The following PLPPR1 variants were observed in gnomAD, a reference collection of about 807,000 sequenced individuals.
PLPPR1 encodes phospholipid phosphatase-related protein type 1.
In PLPPR1, 10 loss-of-function variants were observed where a neutral mutation model predicts 33.1. The ratio of observed to expected loss-of-function variants is 0.30; its 90% CI spans 0.19 to 0.51. PLPPR1 has a LOEUF of 0.51. PLPPR1 is among the 20% of genes least tolerant of loss of function. The pLI is 0.97. For missense variants in PLPPR1, 304 were observed against 408.1 expected (o/e 0.74, Z 2.20); for synonymous variants, 151 against 151.0 (o/e 1.00, Z 0.00).
At chr9:101,107,656 T>G (rs976851163) in intron 1 of PLPPR1, among the ~76,000 whole-genome samples, 5 of 86,806 alleles carry the variant, frequency 5.8e-5, no homozygotes, top group Admixed American at 3.6e-4. Context: ...GCAGGCCTCC[T>G]TGAGCTGTGG....
At chr9:101,209,208 T>C (rs1029427120) in intron 2 of PLPPR1, among the ~76,000 whole-genome samples, 1 of 152,156 alleles carries the variant, frequency 6.6e-6, no homozygotes, top group African/African-American at 2.4e-5. Context: ...AGCATAAATA[T>C]TTGAGAATGT....
intron 1 of PLPPR1, among the ~76,000 whole-genome samples, chr9:101,056,458 C>G (rs1169593346): frequency 6.6e-6 from 1 of 152,128 alleles, no homozygotes; most frequent in East Asian, 1.9e-4. Flanking sequence ...TTGGGCCACA[C>G]TAACAGTGCC....
intron 4 of PLPPR1, among the ~76,000 whole-genome samples, chr9:101,290,143 T>C (rs1828468584): frequency 6.6e-6 from 1 of 152,218 alleles, no homozygotes; most frequent in Non-Finnish European, 1.5e-5. Flanking sequence ...TAAATGGAAA[T>C]GTTTTCTTTG....
intron 7 of PLPPR1, among the ~76,000 whole-genome samples, chr9:101,318,750 G>A (rs1019528225): frequency 6.6e-6 from 1 of 151,118 alleles, no homozygotes; most frequent in Non-Finnish European, 1.5e-5. Flanking sequence ...CTCTAGGCTG[G>A]GTGACAGAGT....
chr9:101,096,663 C>G (rs1216775104), intron 1 of PLPPR1, among the ~76,000 whole-genome samples: 2 of 128,500 alleles, frequency 1.6e-5, no homozygotes, highest in African/African-American at 5.4e-5. Flanking sequence ...TGTGTGCTGT[C>G]TAATGAGGAT....
intron 4 of PLPPR1, among the ~76,000 whole-genome samples, chr9:101,289,048 C>A (rs765219389): frequency 6.6e-6 from 1 of 152,222 alleles, no homozygotes; most frequent in African/African-American, 2.4e-5. Context: ...CAGCCTCATC[C>A]CGAGCCACTC....
intron 1 of PLPPR1, among the ~76,000 whole-genome samples, chr9:101,077,024 G>A (rs1051782996): frequency 3.3e-5 from 5 of 152,146 alleles, no homozygotes; most frequent in African/African-American, 4.8e-5. Context: ...ATTACTGGAG[G>A]TGTTACCTCT....
chr9:101,296,971 AC>A (rs1170293078), intron 4 of PLPPR1, among the ~76,000 whole-genome samples: 1 of 152,160 alleles, frequency 6.6e-6, no homozygotes, highest in Non-Finnish European at 1.5e-5. Flanking sequence ...ATTTAAAAAA[AC>A]ACTATGAATC....
chr9:101,302,997 TG>T (rs1412700224), intron 4 of PLPPR1, among the ~76,000 whole-genome samples: 1 of 152,244 alleles, frequency 6.6e-6, no homozygotes, highest in Non-Finnish European at 1.5e-5. Context: ...ATTTTGTTTT[TG>T]TTTTTTGAGA....
At chr9:101,230,373 G>A (rs897429164) in intron 2 of PLPPR1, among the ~76,000 whole-genome samples, 4 of 152,062 alleles carry the variant, frequency 2.6e-5, no homozygotes, top group African/African-American at 7.2e-5. Flanking sequence ...AAAGACACCC[G>A]TAAGGGCATA....
chr9:101,319,867 T>C (rs1351877205), intron 7 of PLPPR1, among the ~76,000 whole-genome samples: 9 of 152,148 alleles, frequency 5.9e-5, no homozygotes, highest in Admixed American at 5.9e-4. Flanking sequence ...AGTCTCTGTG[T>C]CCTTGTAAAT....
intron 1 of PLPPR1, among the ~76,000 whole-genome samples, chr9:101,083,700 T>G (rs573260624): frequency 6.6e-6 from 1 of 151,648 alleles, no homozygotes; most frequent in Non-Finnish European, 1.5e-5. Flanking sequence ...GTAGATTCCT[T>G]TATCTATTTT....
chr9:101,254,024 G>A (rs1459169392), intron 2 of PLPPR1, among the ~76,000 whole-genome samples: 1 of 151,984 alleles, frequency 6.6e-6, no homozygotes, highest in Non-Finnish European at 1.5e-5. Flanking sequence ...TAATGATTAA[G>A]AGTAGAAAAT....
intron 1 of PLPPR1, among the ~76,000 whole-genome samples, chr9:101,043,292 T>A (rs1001694127): frequency 6.6e-6 from 1 of 151,936 alleles, no homozygotes. Flanking sequence ...TGTGTGTGTG[T>A]ATATATGTAT....
chr9:101,264,122 G>A (rs571673045), intron 2 of PLPPR1, among the ~76,000 whole-genome samples: 1 of 152,164 alleles, frequency 6.6e-6, no homozygotes, highest in Admixed American at 6.5e-5. Context: ...CAGCCCTTGT[G>A]TGCAACTATT....
intron 2 of PLPPR1, among the ~76,000 whole-genome samples, chr9:101,210,994 C>G (rs1453728475): frequency 6.6e-6 from 1 of 152,166 alleles, no homozygotes; most frequent in Non-Finnish European, 1.5e-5. Context: ...GTCTCGATCT[C>G]CTGACCTCAC....
At chr9:101,317,285 G>A in intron 6 of PLPPR1, 80 bp from the exon 7 acceptor site, 2 of 1,466,546 alleles carry the variant, frequency 1.4e-6, no homozygotes, top group Non-Finnish European at 1.9e-6. Flanking sequence ...TATTCAAGGG[G>A]AAAGGCCTGC....
intron 2 of PLPPR1, among the ~76,000 whole-genome samples, chr9:101,229,274 A>G (rs898901857): frequency 2.6e-5 from 4 of 152,146 alleles, no homozygotes; most frequent in Non-Finnish European, 5.9e-5. Context: ...ATCATTTTGC[A>G]TCTTATTAAA....
At chr9:101,124,888 G>T (rs1242625288) in intron 1 of PLPPR1, among the ~76,000 whole-genome samples, 1 of 152,208 alleles carries the variant, frequency 6.6e-6, no homozygotes, top group Admixed American at 6.5e-5. Flanking sequence ...GAATGCTTGT[G>T]CCAGCAAAGA....
Sources: gnomAD v4.1 joint callset for allele counts (sites outside exome capture counted in the v4.1 genomes callset) on GRCh38, gnomAD v4.1.1 for gene constraint, MANE v1.5 for transcripts, NCBI Gene and HGNC (gene_info 2026-07-23, HGNC 2026-07-21) for gene names.